MEDAG: variants seen among roughly 807,000 people sequenced by gnomAD.
MEDAG encodes the protein mesenteric estrogen dependent adipogenesis, also known as mesenteric estrogen-dependent adipogenesis protein.
A neutral mutation model predicts 29.9 loss-of-function variants in MEDAG; 25 were observed. The observed-to-expected ratio is 0.84, with a 90% confidence interval of 0.61 to 1.17. The LOEUF is 1.17. MEDAG is among the 50% of genes most tolerant of loss of function. The pLI, the probability that MEDAG is intolerant of heterozygous loss-of-function variation, is 0.00. For synonymous variants in MEDAG, 158 were observed against 148.2 expected (o/e 1.07, Z -0.48); for missense variants, 398 against 372.9 (o/e 1.07, Z -0.56).
intron 1 of MEDAG, among the ~76,000 whole-genome samples, chr13:30,908,527 A>G (rs926473749): frequency 2.0e-5 from 3 of 152,052 alleles, no homozygotes; most frequent in African/African-American, 7.2e-5. Context: ...GCAGAGGGGG[A>G]GGACTGGACT....
At chr13:30,921,992 G>A (rs933091027) in intron 4 of MEDAG, 146 bp downstream of exon 4, 1 of 863,144 alleles carries the variant, frequency 1.2e-6, no homozygotes, top group Non-Finnish European at 1.7e-6. Flanking sequence ...AAGAAGTGGG[G>A]CATGTTTATT....
Position 30,906,415 on chromosome 13 carries a change from C to A in MEDAG, c.-101C>A, listed in dbSNP as rs948528990. The A allele has an allele frequency of 7.9e-7, 1 of 1,270,412 alleles. No homozygotes were observed. Among genetic ancestry groups the A allele is most frequent in the Non-Finnish European group, 1.0e-6 (1 of 984,672 alleles). The allele number at this position is 1,270,412 out of a possible 1,614,324, so 78.7% of individuals were successfully genotyped here. ...CCCTCCTCACCTCGCGCGCGGCTGACGCAGGCAGGGCGCCCGGCCCCTCCT... is the reference window on the plus strand; with the variant it reads ...CCCTCCTCACCTCGCGCGCGGCTGAAGCAGGCAGGGCGCCCGGCCCCTCCT... On this transcript the variant is annotated 5_prime_UTR_variant, in exon 1 of 5. Transcript: ENST00000380482.
At chr13:30,918,289 C>A (rs570933259) in intron 2 of MEDAG, among the ~76,000 whole-genome samples, 1 of 152,124 alleles carries the variant, frequency 6.6e-6, no homozygotes, top group South Asian at 2.1e-4. Context: ...CAATTCAGGA[C>A]GTTATGAACA....
intron 1 of MEDAG, among the ~76,000 whole-genome samples, chr13:30,910,219 T>C (rs7984607): frequency 0.2 from 17,448 of 86,656 alleles, 1,238 homozygotes; most frequent in Middle Eastern, 0.34. Context: ...CACACACACA[T>C]GTTTTTTCCT....
At chr13:30,923,603 T>C (rs1333862181) in intron 4 of MEDAG, among the ~76,000 whole-genome samples, 2 of 152,190 alleles carry the variant, frequency 1.3e-5, no homozygotes, top group Admixed American at 6.5e-5. Context: ...CTGATCCTTT[T>C]GGAGGGGATG....
intron 1 of MEDAG, among the ~76,000 whole-genome samples, chr13:30,915,089 A>G (rs1015822273): frequency 1.3e-5 from 2 of 152,090 alleles, no homozygotes; most frequent in African/African-American, 4.8e-5. Context: ...TGTTATGTTT[A>G]TGTCAACCAG....
intron 2 of MEDAG, 133 bp from the exon 3 acceptor site, chr13:30,920,880 AG>A: frequency 5.7e-6 from 4 of 697,130 alleles, no homozygotes; most frequent in Non-Finnish European, 9.8e-6. Context: ...TAAGGTTGTG[AG>A]GGAGCAGAGA....
chr13:30,913,688 G>A (rs1952901516), intron 1 of MEDAG, among the ~76,000 whole-genome samples: 1 of 152,058 alleles, frequency 6.6e-6, no homozygotes, highest in African/African-American at 2.4e-5. Context: ...AATAATTTCA[G>A]CAACTATGAT....
intron 4 of MEDAG, chr13:30,922,215 A>ATCAGT: frequency 6.3e-6 from 1 of 157,900 alleles, no homozygotes; most frequent in Non-Finnish European, 1.4e-5. Flanking sequence ...AACAAAAATG[A>ATCAGT]TCAGTTGGGA....
chr13:30,920,564 G>A (rs11841261), intron 2 of MEDAG, among the ~76,000 whole-genome samples: 2,208 of 151,928 alleles, frequency 0.015, 60 homozygotes, highest in African/African-American at 0.049. Context: ...ACTCCAGCCT[G>A]GGTGACAGAA....
intron 4 of MEDAG, among the ~76,000 whole-genome samples, chr13:30,923,294 GTC>G (rs1252536607): frequency 6.6e-6 from 1 of 152,072 alleles, no homozygotes; most frequent in Non-Finnish European, 1.5e-5. Flanking sequence ...CCTAGAAGTG[GTC>G]TCTTTCTCTT....
intron 1 of MEDAG, among the ~76,000 whole-genome samples, chr13:30,912,969 C>T (rs749637356): frequency 4.6e-5 from 7 of 152,164 alleles, no homozygotes; most frequent in African/African-American, 7.2e-5. Context: ...GGTTCAAATT[C>T]GTATGTCTAC....
chr13:30,919,995 A>C (rs1952967251), intron 2 of MEDAG, among the ~76,000 whole-genome samples: 1 of 152,252 alleles, frequency 6.6e-6, no homozygotes, highest in South Asian at 2.1e-4. Context: ...CAACACCAAA[A>C]AAATCTGTCT....
rs1230107943 is a variant in MEDAG, at chr13:30,917,399, A to G, written c.279-4A>G. ...CATTTGCAATGATCTCTGCTTCTTC[A>G]TAGGTATGTGGAACTGACCAACTAC... On this transcript the variant is annotated splice_polypyrimidine_tract_variant and splice_region_variant and intron_variant, in intron 1 of 4. Coordinates refer to ENST00000380482, the MANE Select transcript of MEDAG (RefSeq NM_032849.4). 2.5e-5 allele frequency: 37 copies of G among 1,500,088 alleles called. No homozygotes were observed. The highest frequency in any genetic ancestry group is 2.8e-5 in the Non-Finnish European group (30 of 1,076,286). The allele number at this position is 1,500,088 out of a possible 1,614,324, so 92.9% of individuals were successfully genotyped here.
rs1953023259 is a variant in MEDAG, at chr13:30,924,546, C to T, written c.*111C>T. 9.5e-6 allele frequency: 11 copies of T among 1,159,506 alleles called. No homozygotes were observed. Among genetic ancestry groups the T allele is most frequent in the Non-Finnish European group, 1.3e-5 (11 of 827,250 alleles). The allele number at this position is 1,159,506 out of a possible 1,614,324, so 71.8% of individuals were successfully genotyped here. A position where few individuals can be genotyped will look rare whatever the true frequency, so the allele number is the denominator to read the frequency against. ...GATACTTCCACCTGCGTGTCAATCT[C>T]CGGCTCCTCCATGGCTTCTATGGAG... On this transcript the variant is annotated 3_prime_UTR_variant, in exon 5 of 5. Coordinates refer to ENST00000380482, the MANE Select transcript of MEDAG (RefSeq NM_032849.4).
At chr13:30,908,620 C>T (rs559512935) in intron 1 of MEDAG, among the ~76,000 whole-genome samples, 1 of 152,162 alleles carries the variant, frequency 6.6e-6, no homozygotes, top group East Asian at 1.9e-4. Context: ...TCTAAAGCTT[C>T]GTTCCTCTGA....
In MEDAG at chr13:30,924,577, C is replaced by A; in HGVS notation, c.*142C>A. ...CCTCCATGGCTTCTATGGAGGACTC[C>A]TCTCTTCTGCTTCTGTGGATGTGAT... On this transcript the variant is annotated 3_prime_UTR_variant, in exon 5 of 5. Transcript: ENST00000380482. 1 of 782,206 alleles carries A rather than the reference C, an allele frequency of 1.3e-6. No homozygotes were observed. Among genetic ancestry groups the A allele is most frequent in the Non-Finnish European group, 2.0e-6 (1 of 508,534 alleles). 48.5% of individuals were successfully genotyped at this position (782,206 alleles called of 1,614,324 possible).
At chr13:30,910,717 A>G (rs552922195) in intron 1 of MEDAG, among the ~76,000 whole-genome samples, 171 of 152,328 alleles carry the variant, frequency 1.1e-3, no homozygotes, top group Middle Eastern at 6.8e-3. Flanking sequence ...CTGCTCCTGG[A>G]TGGGTGACAG....
At chr13:30,921,276 G>A (rs1593511122) in intron 3 of MEDAG, 150 bp downstream of exon 3, 2 of 691,056 alleles carry the variant, frequency 2.9e-6, no homozygotes, top group South Asian at 2.1e-5. Flanking sequence ...GTTCTCAAAG[G>A]TGGCATTATT....
Sources: gnomAD v4.1 joint callset for allele counts (sites outside exome capture counted in the v4.1 genomes callset) on GRCh38, gnomAD v4.1.1 for gene constraint, MANE v1.5 for transcripts, NCBI Gene and HGNC (gene_info 2026-07-23, HGNC 2026-07-21) for gene names.